Variants in LONP2 observed in about 807,000 individuals in gnomAD.
LONP2 encodes the protein lon peptidase 2, peroxisomal, also known as lon protease homolog 2, peroxisomal.
LONP2 carries 60 observed loss-of-function variants against 85.6 expected under a neutral mutation model. The observed-to-expected ratio is 0.70, with a 90% CI of 0.57 to 0.87. LONP2 has a LOEUF of 0.87. Ranked by LOEUF, LONP2 falls within the 40% of genes least tolerant of loss-of-function variation. The pLI, the probability that LONP2 is intolerant of heterozygous loss-of-function variation, is 0.00. For synonymous variants in LONP2, 395 were observed against 389.7 expected (o/e 1.01, Z -0.16); for missense variants, 860 against 1,063.5 (o/e 0.81, Z 2.66).
chr16:48,334,802 T>G (rs888003596), intron 12 of LONP2: 1 of 554,068 alleles, frequency 1.8e-6, no homozygotes, highest in Non-Finnish European at 3.6e-6. Flanking sequence ...ATCACTGGGC[T>G]CGACCTCAAG....
At chr16:48,293,821 G>A (rs1427737575) in intron 8 of LONP2, among the ~76,000 whole-genome samples, 2 of 152,194 alleles carry the variant, frequency 1.3e-5, no homozygotes, top group Non-Finnish European at 2.9e-5. Context: ...TTGAGCAGAG[G>A]ACTCAGAGGA....
Position 48,347,651 on chromosome 16 carries a change from G to C in LONP2, c.2083G>C (p.Glu695Gln). The change falls in exon 13 of 15, where the codon GAG becomes CAG. Residue 695 changes from glutamate to glutamine, a missense_variant. Glu to Gln is a conservative substitution (Grantham distance 29, BLOSUM62 2). Coordinates refer to ENST00000285737, the MANE Select transcript of LONP2 (RefSeq NM_031490.5). ...LTGQLGDVMK[E>Q]SAHLAISWLR... ...CGGCCAGCTCGGGGACGTGATGAAG[G>C]AGTCCGCCCACCTCGCTATCAGCTG... is the stretch of plus-strand genomic sequence containing the variant. 1 of 1,614,238 alleles carries C rather than the reference G, an allele frequency of 6.2e-7. No individual in the cohort carries two copies. The highest frequency in any genetic ancestry group is 8.5e-7 in the Non-Finnish European group (1 of 1,180,042).
chr16:48,269,103 A>G (rs1308565884), intron 6 of LONP2, among the ~76,000 whole-genome samples: 11 of 152,146 alleles, frequency 7.2e-5, no homozygotes, highest in Non-Finnish European at 1.5e-5. Context: ...AAACCTGTTG[A>G]AAGCTTGGCT....
At chr16:48,294,500 G>A (rs1031278055) in intron 8 of LONP2, among the ~76,000 whole-genome samples, 4 of 152,148 alleles carry the variant, frequency 2.6e-5, no homozygotes, top group Admixed American at 6.5e-5. Context: ...GCGTGGTAGC[G>A]CACGTCTGTA....
At chr16:48,257,050 G>A (rs764678976) in intron 3 of LONP2, among the ~76,000 whole-genome samples, 3 of 152,124 alleles carry the variant, frequency 2.0e-5, no homozygotes, top group Admixed American at 6.5e-5. Context: ...GGGTGCTCAC[G>A]CCTGTAGTCC....
At chr16:48,252,097 T>A (rs776867487) in intron 1 of LONP2, 34 bp from the exon 2 acceptor site, 8 of 1,465,932 alleles carry the variant, frequency 5.5e-6, no homozygotes, top group Non-Finnish European at 7.4e-6. Context: ...CCGTATTGAA[T>A]GTTTGTAATA....
chr16:48,316,323 C>CTTTT (rs776343152), intron 11 of LONP2, among the ~76,000 whole-genome samples: 73 of 105,978 alleles, frequency 6.9e-4, no homozygotes, highest in Non-Finnish European at 9.2e-4. Flanking sequence ...CCATTGGATT[C>CTTTT]TTTTTTTTTT....
At chr16:48,320,292 GT>G (rs1973236023) in intron 11 of LONP2, among the ~76,000 whole-genome samples, 1 of 152,126 alleles carries the variant, frequency 6.6e-6, no homozygotes, top group Non-Finnish European at 1.5e-5. Flanking sequence ...TTTGGATTCG[GT>G]TTTGCATTTT....
chr16:48,347,782 A>G lies in LONP2; in HGVS notation c.2146+68A>G, dbSNP rs140151090. 1.0e-4 allele frequency: 147 copies of G among 1,445,338 alleles called. 1 individual carries two copies. The East Asian group carries it at 2.3e-3, about 23-fold the overall frequency. 89.5% of individuals were successfully genotyped at this position (1,445,338 alleles called of 1,614,324 possible). On this transcript the variant is annotated intron_variant, in intron 13 of 14. Transcript: ENST00000285737. ...GGTACCTTCCATGGCGGAGACTGGC[A>G]TGAGCTCGAGACTGCCAGTTACACA...
At chr16:48,312,773 G>A (rs1264712181) in intron 11 of LONP2, among the ~76,000 whole-genome samples, 1 of 152,186 alleles carries the variant, frequency 6.6e-6, no homozygotes, top group African/African-American at 2.4e-5. Flanking sequence ...TCCCAGCTAG[G>A]AGGTGGTGCC....
chr16:48,265,610 C>T (rs975418986), intron 6 of LONP2, among the ~76,000 whole-genome samples: 1 of 152,190 alleles, frequency 6.6e-6, no homozygotes, highest in Non-Finnish European at 1.5e-5. Flanking sequence ...GAATCATACT[C>T]TCTGATTACT....
intron 7 of LONP2, 61 bp from the exon 8 acceptor site, chr16:48,277,277 A>C: frequency 6.5e-7 from 1 of 1,536,458 alleles, no homozygotes. Flanking sequence ...TTGATTTCTG[A>C]ATGGCGTCGC....
rs114047489 is a variant in LONP2 at position 48,320,452 on chromosome 16, G to A, written c.1796-13764G>A. Among the ~76,000 whole-genome samples, 1,356 of 152,058 alleles carry A rather than the reference G, an allele frequency of 8.9e-3. 26 individuals carry two copies. Among genetic ancestry groups the A allele is most frequent in the African/African-American group, 0.031 (1,294 of 41,456 alleles). On this transcript the variant is annotated intron_variant, in intron 11 of 14. Transcript: ENST00000285737. ...TTTCAGAGACAAGAGTTTAGGCACT[G>A]GCTCATTGGTACTAAGCTTCAGGGG...
intron 7 of LONP2, 70 bp downstream of exon 7, chr16:48,270,344 T>G: frequency 6.6e-7 from 1 of 1,524,044 alleles, no homozygotes; most frequent in East Asian, 2.3e-5. Context: ...CCCTAAAAGC[T>G]TAGGCATAGC....
chr16:48,296,274 A>T, intron 9 of LONP2, 109 bp downstream of exon 9: 2 of 1,208,754 alleles, frequency 1.7e-6, no homozygotes, highest in Non-Finnish European at 2.3e-6. Flanking sequence ...CCAACATACA[A>T]TCTTCAGAAG....
At position 48,356,745 on chromosome 16, in the gene LONP2, C is replaced by A; in HGVS notation, c.*4943C>A. 1 of 319,168 alleles carries A rather than the reference C, an allele frequency of 3.1e-6. No homozygotes were observed. The highest frequency in any genetic ancestry group is 6.3e-6 in the Non-Finnish European group (1 of 158,198). 19.8% of individuals were successfully genotyped at this position (319,168 alleles called of 1,614,324 possible). On this transcript the variant is annotated 3_prime_UTR_variant, in exon 15 of 15. Coordinates refer to ENST00000285737, the MANE Select transcript of LONP2 (RefSeq NM_031490.5). ...CATTGAGATGTTTTAAAAGTTACAG[C>A]AAAAGGACTTCTAAAACAATTTTAG... is the stretch of plus-strand genomic sequence containing the variant.
intron 11 of LONP2, among the ~76,000 whole-genome samples, chr16:48,325,790 T>A (rs1596986824): frequency 2.0e-5 from 3 of 152,318 alleles, no homozygotes; most frequent in Admixed American, 2.0e-4. Context: ...GATTGCTGGA[T>A]CATATGATAG....
At chr16:48,264,931 A>C (rs1971959201) in intron 6 of LONP2, among the ~76,000 whole-genome samples, 1 of 151,276 alleles carries the variant, frequency 6.6e-6, no homozygotes, top group Non-Finnish European at 1.5e-5. Context: ...CCATATCCTC[A>C]CCTTCACTGA....
At chr16:48,332,556 G>A (rs747908416) in intron 11 of LONP2, among the ~76,000 whole-genome samples, 11 of 152,040 alleles carry the variant, frequency 7.2e-5, no homozygotes, top group Non-Finnish European at 1.5e-4. Context: ...TACTAAAAAT[G>A]CAAAATTTAG....
Sources: allele counts gnomAD v4.1 joint callset (sites outside exome capture counted in the v4.1 genomes callset), GRCh38; gene constraint gnomAD v4.1.1; transcripts MANE v1.5; gene names NCBI Gene and HGNC (gene_info 2026-07-23, HGNC 2026-07-21).